Variants in MAF observed in about 807,000 individuals in gnomAD.
MAF encodes the protein MAF bZIP transcription factor, also known as transcription factor Maf.
A neutral mutation model predicts 22.0 loss-of-function variants in MAF; 10 were observed. The observed-to-expected ratio is 0.45, with a 90% CI of 0.28 to 0.77. The LOEUF (loss-of-function observed/expected upper bound fraction) is 0.77. MAF is among the 30% of genes least tolerant of loss of function. MAF has a pLI of 0.12. For missense variants in MAF, 544 were observed against 548.4 expected (o/e 0.99, Z 0.08); for synonymous variants, 337 against 255.8 (o/e 1.32, Z -3.03).
At chr16:79,333,857 G>A in the MAF span, among the ~76,000 whole-genome samples, 27 of 149,798 alleles carry the variant, frequency 1.8e-4, no homozygotes, top group Non-Finnish European at 7.4e-5. Context: ...ATCTGATGCC[G>A]GATCCCAACA....
At position 79,598,774 on chromosome 16, in the gene MAF, G is replaced by C. The variant is rs747229902; in HGVS notation, c.1118+11C>G. On this transcript the variant is annotated intron_variant, in intron 1 of 1. Transcript: ENST00000326043. Reference sequence around the variant, plus strand: ...TCAGGGTGGCTAGCTGGAATCGCGTGTCAGACTCACATGAAAAACTCGGGA... The same window carrying C: ...TCAGGGTGGCTAGCTGGAATCGCGTCTCAGACTCACATGAAAAACTCGGGA... The C allele has an allele frequency of 1.9e-6, 3 of 1,613,688 alleles. No homozygotes were observed. The highest frequency in any genetic ancestry group is 1.6e-4 in the Middle Eastern group (1 of 6,084).
At chr16:79,432,872 T>A in the MAF span, among the ~76,000 whole-genome samples, 1 of 152,182 alleles carries the variant, frequency 6.6e-6, no homozygotes, top group Non-Finnish European at 1.5e-5. Context: ...AGACTCTCCT[T>A]CATGCCCCAG....
the MAF span, among the ~76,000 whole-genome samples, chr16:79,541,566 T>C: frequency 1.1e-3 from 174 of 151,742 alleles, 1 homozygote; most frequent in African/African-American, 3.9e-3. Flanking sequence ...ATACGTAATA[T>C]GGCCAAGTTC....
At chr16:79,222,144 A>G in the MAF span, among the ~76,000 whole-genome samples, 2 of 152,208 alleles carry the variant, frequency 1.3e-5, no homozygotes, top group Non-Finnish European at 2.9e-5. Flanking sequence ...CCTAAAAGCC[A>G]GAAGACCTAC....
intron 1 of MAF, among the ~76,000 whole-genome samples, chr16:79,586,866 T>A (rs1276228334): frequency 6.6e-6 from 1 of 152,234 alleles, no homozygotes; most frequent in African/African-American, 2.4e-5. Flanking sequence ...AAAATCTGTG[T>A]ACAATAACGG....
the MAF span, among the ~76,000 whole-genome samples, chr16:79,445,564 G>A: frequency 6.6e-6 from 1 of 152,194 alleles, no homozygotes; most frequent in African/African-American, 2.4e-5. Flanking sequence ...CCAAGCTCAG[G>A]TGCCCCTTGT....
chr16:79,550,843 C>T, the MAF span, among the ~76,000 whole-genome samples: 10 of 152,170 alleles, frequency 6.6e-5, no homozygotes, highest in Middle Eastern at 3.4e-3. Context: ...GAAGAGGAAC[C>T]CAGAGGACCC....
the MAF span, among the ~76,000 whole-genome samples, chr16:79,411,339 C>T: frequency 4.9e-3 from 739 of 152,292 alleles, 6 homozygotes; most frequent in African/African-American, 0.017. Context: ...TGGACATGAA[C>T]ATCATCTAAA....
the MAF span, among the ~76,000 whole-genome samples, chr16:79,430,953 A>G: frequency 2.0e-5 from 3 of 152,342 alleles, no homozygotes; most frequent in South Asian, 6.2e-4. Context: ...TCCTGGGAAC[A>G]GGGTGACAGG....
chr16:79,342,759 C>T, the MAF span, among the ~76,000 whole-genome samples: 12 of 152,092 alleles, frequency 7.9e-5, no homozygotes, highest in South Asian at 1.0e-3. Context: ...AGGTGGGTCA[C>T]GTTACTAACC....
the MAF span, among the ~76,000 whole-genome samples, chr16:79,262,448 C>T: frequency 7.2e-4 from 109 of 152,210 alleles, no homozygotes; most frequent in African/African-American, 2.5e-3. Flanking sequence ...ATGCTCTGGA[C>T]CTGGGGAGAA....
At chr16:79,222,511 T>TA in the MAF span, among the ~76,000 whole-genome samples, 3 of 151,288 alleles carry the variant, frequency 2.0e-5, no homozygotes, top group African/African-American at 7.3e-5. Context: ...AGTATAATAA[T>TA]AAAAAAAAGA....
the MAF span, among the ~76,000 whole-genome samples, chr16:79,539,515 A>C: frequency 2.0e-5 from 3 of 152,192 alleles, no homozygotes; most frequent in Admixed American, 1.3e-4. Context: ...AAACAAAACA[A>C]AACAAAAGAG....
chr16:79,287,146 A>G, the MAF span, among the ~76,000 whole-genome samples: 2 of 149,048 alleles, frequency 1.3e-5, no homozygotes, highest in African/African-American at 5.0e-5. Flanking sequence ...TCCTTCAGCA[A>G]CAACAGAAAT....
the MAF span, among the ~76,000 whole-genome samples, chr16:79,396,512 C>T: frequency 6.6e-6 from 1 of 152,156 alleles, no homozygotes; most frequent in African/African-American, 2.4e-5. Context: ...TAACAATATC[C>T]CAATAGGAAG....
chr16:79,462,192 T>G, the MAF span, among the ~76,000 whole-genome samples: 1 of 152,236 alleles, frequency 6.6e-6, no homozygotes, highest in Non-Finnish European at 1.5e-5. Flanking sequence ...CGTTGCTGAT[T>G]CCTTATGCCA....
the MAF span, among the ~76,000 whole-genome samples, chr16:79,432,684 G>C: frequency 6.6e-6 from 1 of 152,252 alleles, no homozygotes; most frequent in African/African-American, 2.4e-5. Flanking sequence ...AGTCATACTG[G>C]AGTAGGATGG....
the MAF span, among the ~76,000 whole-genome samples, chr16:79,480,867 G>C: frequency 1.2e-4 from 19 of 152,192 alleles, no homozygotes; most frequent in Non-Finnish European, 2.5e-4. Context: ...GGATAGGACC[G>C]TGGGACTGGG....
the MAF span, among the ~76,000 whole-genome samples, chr16:79,555,346 G>A: frequency 6.6e-6 from 1 of 152,180 alleles, no homozygotes; most frequent in South Asian, 2.1e-4. Flanking sequence ...AGTTTGAAGT[G>A]TCAGGAATGC....
Sources: gnomAD v4.1 joint callset for allele counts (sites outside exome capture counted in the v4.1 genomes callset) on GRCh38, gnomAD v4.1.1 for gene constraint, MANE v1.5 for transcripts, NCBI Gene and HGNC (gene_info 2026-07-23, HGNC 2026-07-21) for gene names.